The following SEMA3F variants were observed in gnomAD, a reference collection of about 807,000 sequenced individuals.
The protein encoded by SEMA3F is semaphorin-3F.
In SEMA3F, 30 loss-of-function variants were observed where a neutral mutation model predicts 98.5. The observed-to-expected ratio is 0.30, with a 90% confidence interval of 0.23 to 0.41. The LOEUF (loss-of-function observed/expected upper bound fraction) is 0.41. SEMA3F is among the 10% of genes least tolerant of loss of function. The pLI is 1.00. For missense variants in SEMA3F, 866 were observed against 1,119.3 expected (o/e 0.77, Z 3.23); for synonymous variants, 380 against 444.8 (o/e 0.85, Z 1.83).
chr3:50,162,016 C>A (rs1698227351), intron 2 of SEMA3F, among the ~76,000 whole-genome samples: 1 of 152,238 alleles, frequency 6.6e-6, no homozygotes, highest in African/African-American at 2.4e-5. Context: ...AGAAGCACTG[C>A]TGGTCACTGT....
At position 50,187,782 on chromosome 3, in the gene SEMA3F, C is replaced by G; in HGVS notation, c.2025C>G (p.Leu675=). Reference sequence around the variant, plus strand: ...CACTGCAGCTCAGCGATCGTGGCCTCTACTCCTGCACAGCCACTGAGAACA... The same window carrying G: ...CACTGCAGCTCAGCGATCGTGGCCTGTACTCCTGCACAGCCACTGAGAACA... ...LRALQLSDRG[L]YSCTATENNF... Residue 675 remains leucine (L), a synonymous_variant, in exon 19 of 19, where the codon CTC becomes CTG. Coordinates refer to ENST00000002829, the MANE Select transcript of SEMA3F (RefSeq NM_004186.5). 2 of 1,613,428 alleles carry G rather than the reference C, an allele frequency of 1.2e-6. No homozygotes were observed. Among genetic ancestry groups the G allele is most frequent in the Non-Finnish European group, 1.7e-6 (2 of 1,180,004 alleles).
At chr3:50,177,013 T>G (rs1698841873) in intron 7 of SEMA3F, 152 bp downstream of exon 7, 1 of 669,070 alleles carries the variant, frequency 1.5e-6, no homozygotes, top group African/African-American at 1.8e-5. Context: ...GGGGAGAGGG[T>G]GCAGGCCAGA....
chr3:50,175,075 C>T (rs775548592), intron 5 of SEMA3F, 21 bp from the exon 6 acceptor site: 1 of 1,581,764 alleles, frequency 6.3e-7, no homozygotes, highest in Non-Finnish European at 8.7e-7. Flanking sequence ...CAGCTCTAAC[C>T]CCTGTTCCTC....
chr3:50,171,365 T>A (rs1014360670), intron 2 of SEMA3F, among the ~76,000 whole-genome samples: 1 of 151,994 alleles, frequency 6.6e-6, no homozygotes, highest in African/African-American at 2.4e-5. Flanking sequence ...GCAGGGTTGA[T>A]ATTATAGAGG....
At chr3:50,169,733 C>T (rs1387100484) in intron 2 of SEMA3F, among the ~76,000 whole-genome samples, 1 of 152,252 alleles carries the variant, frequency 6.6e-6, no homozygotes, top group Non-Finnish European at 1.5e-5. Flanking sequence ...ACAAGTGGAG[C>T]AGATGTGGGG....
At position 50,182,930 on chromosome 3, in the gene SEMA3F, G is replaced by A; in HGVS notation, c.930G>A (p.Leu310=). ...ACGATGACGGTGGTCACTGTTGCCT[G>A]GTCAACAAGTGGAGCACATTCCTGA... ...CLNDDGGHCC[L]VNKWSTFLKA... is the part of the protein sequence containing the mutation. The change falls in exon 10 of 19, where the codon CTG becomes CTA. Residue 310 remains leucine (L), a synonymous_variant. Transcript: ENST00000002829. The surrounding 1 kb of genome is among the most constrained non-coding windows in gnomAD (Gnocchi z 4.5). The A allele has an allele frequency of 6.2e-7, 1 of 1,613,956 alleles. No individual in the cohort carries two copies. The highest frequency in any genetic ancestry group is 1.3e-5 in the African/African-American group (1 of 75,050).
Position 50,175,180 on chromosome 3 carries a change from C to T in SEMA3F, c.541C>T (p.Pro181Ser). The change falls in exon 6 of 19, where the codon CCA (proline) becomes TCA (serine). Residue 181 changes from proline (P) to serine (S), a missense_variant. By Grantham distance (74) the Pro-to-Ser change is moderately conservative (BLOSUM62 -1). Around this residue, in one of 3 missense-constraint regions of SEMA3F, gnomAD observed 247 missense variants for 276.0 expected, o/e 0.89. Coordinates refer to ENST00000002829, the MANE Select transcript of SEMA3F (RefSeq NM_004186.5). ...TGCCCTCCGCCCGATGCCCACAGCC[C>T]CACGCCAGGTGGGCCTCATCCCTCC... ...DGALRPMPTAPRQDYIFYLEP... is the reference protein window; with the variant it reads ...DGALRPMPTASRQDYIFYLEP... The T allele has an allele frequency of 6.3e-7, 1 of 1,596,078 alleles. No homozygotes were observed. Among genetic ancestry groups the T allele is most frequent in the Non-Finnish European group, 8.5e-7 (1 of 1,171,006 alleles).
intron 7 of SEMA3F, among the ~76,000 whole-genome samples, chr3:50,179,570 C>T (rs1698947473): frequency 6.6e-6 from 1 of 152,204 alleles, no homozygotes. Context: ...AAGTGTTCCT[C>T]CCACCTCCGC....
intron 1 of SEMA3F, 195 bp from the exon 2 acceptor site, chr3:50,159,380 C>T (rs1229665754): frequency 2.1e-6 from 1 of 480,628 alleles, no homozygotes; most frequent in African/African-American, 2.0e-5. Context: ...TGACCCCAGG[C>T]TGGGGCCTAT....
In SEMA3F at chr3:50,155,578, G is replaced by A. The variant is rs1447851188; in HGVS notation, c.-49+14G>A. ...GCTGCGGAAGAGGTGAGTGCAGCGG[G>A]AACCGGGAGGGAGCGGGCAGGCGGC... On this transcript the variant is annotated intron_variant, in intron 1 of 18. Transcript: ENST00000002829. This position sits in a 1 kb window ranked among gnomAD's most constrained non-coding sequence, Gnocchi z 4.9. 6.5e-6 allele frequency: 2 copies of A among 307,690 alleles called. No homozygotes were observed. The highest frequency in any genetic ancestry group is 5.1e-5 in the Admixed American group (1 of 19,658). The allele number at this position is 307,690 out of a possible 1,614,324, so 19.1% of individuals were successfully genotyped here.
intron 15 of SEMA3F, 49 bp downstream of exon 15, chr3:50,185,756 C>A: frequency 6.2e-7 from 1 of 1,611,232 alleles, no homozygotes; most frequent in South Asian, 1.1e-5. Flanking sequence ...GCCTGCATCC[C>A]CTCAGGGTCA....
In SEMA3F at chr3:50,175,130, G is replaced by A. The variant is rs1354171230; in HGVS notation, c.491G>A (p.Gly164Asp). The A allele has an allele frequency of 3.7e-6, 6 of 1,611,010 alleles. No homozygotes were observed. The East Asian group carries it at 1.3e-4, about 36-fold the overall frequency. Residue 164 changes from glycine to aspartate, a missense_variant, in exon 6 of 19, where the codon GGC becomes GAC. By Grantham distance (94) the Gly-to-Asp change is moderately conservative. Coordinates refer to ENST00000002829, the MANE Select transcript of SEMA3F (RefSeq NM_004186.5). ...TGGACCCAGACTCAGGCGGTCAGAG[G>A]CCGCGGCAGCAGAGCCACGGATGGT... is the stretch of plus-strand genomic sequence containing the variant. ...TPWTQTQAVR[G>D]RGSRATDGAL...
intron 2 of SEMA3F, among the ~76,000 whole-genome samples, chr3:50,172,634 G>T (rs528003719): frequency 6.6e-6 from 1 of 152,306 alleles, no homozygotes; most frequent in African/African-American, 2.4e-5. Context: ...AGAAATGACT[G>T]TCCTGGCTCA....
At chr3:50,161,107 C>T (rs1280370856) in intron 2 of SEMA3F, among the ~76,000 whole-genome samples, 5 of 152,122 alleles carry the variant, frequency 3.3e-5, no homozygotes, top group African/African-American at 1.2e-4. Flanking sequence ...CCTCCCCAGC[C>T]CAGGGTCTGG....
chr3:50,164,336 G>A (rs1285001235), intron 2 of SEMA3F, among the ~76,000 whole-genome samples: 1 of 152,184 alleles, frequency 6.6e-6, no homozygotes, highest in Non-Finnish European at 1.5e-5. Flanking sequence ...CTTCGTAATC[G>A]TAAAGAATTT....
At chr3:50,170,835 G>A (rs925834571) in intron 2 of SEMA3F, among the ~76,000 whole-genome samples, 4 of 151,920 alleles carry the variant, frequency 2.6e-5, no homozygotes, top group African/African-American at 7.3e-5. Flanking sequence ...AAAGCGTCAC[G>A]TCCTGTGACA....
At chr3:50,157,573 T>A (rs912912234) in intron 1 of SEMA3F, among the ~76,000 whole-genome samples, 1 of 152,242 alleles carries the variant, frequency 6.6e-6, no homozygotes, top group Non-Finnish European at 1.5e-5. Flanking sequence ...TTGCCCTTTC[T>A]TTCCCTCTCT....
At position 50,188,028 on chromosome 3, in the gene SEMA3F, CA is replaced by C; in HGVS notation, c.2272del (p.Arg758GlyfsTer57). On this transcript the variant is annotated frameshift_variant, in exon 19 of 19. Transcript: ENST00000002829. LOFTEE classifies it high-confidence loss of function. The surrounding 1 kb of genome is among the most constrained non-coding windows in gnomAD (Gnocchi z 4.5). ...GYWRHVPPSP[R>X]EAPGAPRSPE... ...ACTGGCGCCATGTGCCCCCCAGCCC[CA>C]GGGAGGCTCCAGGGGCACCCCGGTC... 6.3e-7 allele frequency: 1 copy of C among 1,598,966 alleles called. No individual in the cohort carries two copies. The highest frequency in any genetic ancestry group is 2.3e-5 in the East Asian group (1 of 43,822).
chr3:50,182,133 G>A lies in SEMA3F; in HGVS notation c.644-151G>A. ...TAATCCCAACCCTCCCAGAGCCAGT[G>A]GTGAAACACTGACCAGCACTCCACT... On this transcript the variant is annotated intron_variant, in intron 7 of 18. Coordinates refer to ENST00000002829, the MANE Select transcript of SEMA3F (RefSeq NM_004186.5). The surrounding 1 kb of genome is among the most constrained non-coding windows in gnomAD (Gnocchi z 4.5). 1 of 907,562 alleles carries A rather than the reference G, an allele frequency of 1.1e-6. No individual in the cohort carries two copies. The highest frequency in any genetic ancestry group is 2.6e-5 in the East Asian group (1 of 38,350). 56.2% of individuals were successfully genotyped at this position (907,562 alleles called of 1,614,324 possible). A position where few individuals can be genotyped will look rare whatever the true frequency, so the allele number is the denominator to read the frequency against.
Sources: allele counts gnomAD v4.1 joint callset (sites outside exome capture counted in the v4.1 genomes callset), GRCh38; gene constraint gnomAD v4.1.1; regional missense constraint gnomAD v4.1.1; non-coding constraint Gnocchi (gnomAD v3.1); transcripts MANE v1.5; gene names NCBI Gene and HGNC (gene_info 2026-07-23, HGNC 2026-07-21).